Variants in STOX2 observed in about 807,000 individuals in gnomAD.
STOX2 encodes the protein storkhead-box protein 2.
In STOX2, 28 loss-of-function variants were observed where a neutral mutation model predicts 60.9. That is an observed-to-expected ratio of 0.46 (90% CI 0.34 to 0.63). STOX2 has a LOEUF of 0.63. STOX2 is among the 30% of genes least tolerant of loss of function. The pLI is 0.01. For missense variants in STOX2, 1,024 were observed against 1,187.7 expected (o/e 0.86, Z 2.03); for synonymous variants, 472 against 463.9 (o/e 1.02, Z -0.22).
At position 184,010,829 on chromosome 4, in the gene STOX2, G is replaced by C. The variant is rs1320019562; in HGVS notation, c.1991G>C (p.Gly664Ala). ...GAGTCACCAAAAGGGCCGGGTGGGG[G>C]CCCCGCTGCTTCGGGAGGAGTGGCT... ...KEESPKGPGG[G>A]PAASGGVAEG... Residue 664 changes from glycine (G) to alanine (A), a missense_variant, in exon 3 of 4, where the codon GGC (glycine) becomes GCC (alanine). Around this residue, in one of 3 missense-constraint regions of STOX2, gnomAD observed 922 missense variants for 1,058.3 expected, o/e 0.87. Transcript: ENST00000308497. This position sits in a 1 kb window ranked among gnomAD's most constrained non-coding sequence, Gnocchi z 4.5. 1 of 1,591,384 alleles carries C rather than the reference G, an allele frequency of 6.3e-7. No homozygotes were observed. Among genetic ancestry groups the C allele is most frequent in the Admixed American group, 1.7e-5 (1 of 57,602 alleles).
At chr4:183,805,270 GT>G (rs1323688866) in intron 1 of STOX2, among the ~76,000 whole-genome samples, 1 of 152,166 alleles carries the variant, frequency 6.6e-6, no homozygotes, top group Non-Finnish European at 1.5e-5. Flanking sequence ...CTTCTACTTA[GT>G]TTATATATTT....
chr4:183,872,491 T>A (rs955007620), intron 1 of STOX2, among the ~76,000 whole-genome samples: 2 of 151,670 alleles, frequency 1.3e-5, no homozygotes, highest in South Asian at 2.1e-4. Context: ...TTTATGTATT[T>A]AAAAAAAAAT....
At chr4:183,805,966 G>GATAAATGGAT (rs2111095180) in intron 1 of STOX2, among the ~76,000 whole-genome samples, 1 of 152,296 alleles carries the variant, frequency 6.6e-6, no homozygotes, top group African/African-American at 2.4e-5. Context: ...TTGAGAATTT[G>GATAAATGGAT]ATAAATGGAT....
Position 183,892,373 on chromosome 4 carries a change from G to T in STOX2, c.364+94318G>T, listed in dbSNP as rs560576046. Among the ~76,000 whole-genome samples the T allele has an allele frequency of 3.9e-5, 6 of 152,318 alleles. No homozygotes were observed. In the East Asian group the frequency reaches 9.7e-4, roughly 25 times the overall value. ...GGCTCACTGCAAGCTCCGCCTCCCG[G>T]GTTCACGCCATTCTCCTGCCTCAGC... is the stretch of plus-strand genomic sequence containing the variant. On this transcript the variant is annotated intron_variant, in intron 1 of 2. Coordinates refer to the STOX2 transcript ENST00000513034.
chr4:183,853,308 GC>G (rs1417849812), intron 1 of STOX2: 1 of 152,154 alleles, frequency 6.6e-6, no homozygotes, highest in Non-Finnish European at 1.5e-5. Context: ...CGGATTCAGG[GC>G]CCAGCCCCGT....
At chr4:183,967,564 G>GTAT (rs1477780563) in intron 1 of STOX2, among the ~76,000 whole-genome samples, 87 of 152,218 alleles carry the variant, frequency 5.7e-4, no homozygotes, top group Non-Finnish European at 1.1e-3. Context: ...ACCCATGGGT[G>GTAT]GTGCTCACAC....
At chr4:183,989,178 T>C (rs1483214004) in intron 1 of STOX2, among the ~76,000 whole-genome samples, 1 of 50,946 alleles carries the variant, frequency 2.0e-5, no homozygotes, top group African/African-American at 8.4e-5. Context: ...GGTTTTTTTT[T>C]TTTTTTTTTT....
intron 1 of STOX2, among the ~76,000 whole-genome samples, chr4:183,816,228 T>C (rs1167356250): frequency 6.6e-6 from 1 of 152,198 alleles, no homozygotes; most frequent in African/African-American, 2.4e-5. Flanking sequence ...AGTCTTATTT[T>C]AAAAATGGTG....
At chr4:183,994,331 G>C (rs560187277) in intron 1 of STOX2, among the ~76,000 whole-genome samples, 1 of 152,328 alleles carries the variant, frequency 6.6e-6, no homozygotes, top group Non-Finnish European at 1.5e-5. Context: ...TGGCGGTGCA[G>C]AGAACAAAAG....
intron 2 of STOX2, among the ~76,000 whole-genome samples, chr4:184,006,071 C>T (rs1197545761): frequency 6.6e-6 from 1 of 152,072 alleles, no homozygotes; most frequent in Non-Finnish European, 1.5e-5. Context: ...TAATTCTATA[C>T]ATTAATAGCT....
chr4:183,930,846 T>C (rs1579431618), intron 1 of STOX2, among the ~76,000 whole-genome samples: 1 of 152,242 alleles, frequency 6.6e-6, no homozygotes, highest in East Asian at 1.9e-4. Context: ...AAATTTTCTT[T>C]TTTTCTTGCA....
chr4:183,990,831 T>A (rs1410690906), intron 1 of STOX2, among the ~76,000 whole-genome samples: 1 of 152,004 alleles, frequency 6.6e-6, no homozygotes, highest in African/African-American at 2.4e-5. Flanking sequence ...TTGATCACGG[T>A]TTACTTGAAT....
chr4:183,963,951 A>T (rs1743488047), intron 1 of STOX2, among the ~76,000 whole-genome samples: 1 of 146,378 alleles, frequency 6.8e-6, no homozygotes, highest in South Asian at 2.2e-4. Context: ...TATTTTTTGT[A>T]TTTTTAGTAG....
At chr4:183,908,349 C>T (rs1190064345) in intron 1 of STOX2, among the ~76,000 whole-genome samples, 1 of 152,198 alleles carries the variant, frequency 6.6e-6, no homozygotes, top group Non-Finnish European at 1.5e-5. Flanking sequence ...TAAATGCAAA[C>T]CTAACCTCAA....
At chr4:183,810,984 G>T (rs755671213) in intron 1 of STOX2, among the ~76,000 whole-genome samples, 1 of 152,110 alleles carries the variant, frequency 6.6e-6, no homozygotes, top group Non-Finnish European at 1.5e-5. Flanking sequence ...CAGCACGTCG[G>T]GGGTGGTGGG....
At chr4:183,934,869 A>G (rs1742542318) in intron 1 of STOX2, among the ~76,000 whole-genome samples, 1 of 152,252 alleles carries the variant, frequency 6.6e-6, no homozygotes. Context: ...CAGAAAATGC[A>G]GGAAGCTGCC....
chr4:183,882,971 G>A (rs997955730), intron 1 of STOX2, among the ~76,000 whole-genome samples: 1 of 152,010 alleles, frequency 6.6e-6, no homozygotes, highest in African/African-American at 2.4e-5. Flanking sequence ...TGTTATTGTT[G>A]GAGATTTAAA....
chr4:183,862,815 C>T (rs960328926), intron 1 of STOX2, among the ~76,000 whole-genome samples: 3 of 152,176 alleles, frequency 2.0e-5, no homozygotes, highest in African/African-American at 7.2e-5. Flanking sequence ...TCTAACGGTG[C>T]CCTGTGGGAC....
In STOX2 at chr4:184,009,134, T is replaced by C. The variant is rs1734016578; in HGVS notation, c.320-24T>C. 5 of 1,162,296 alleles carry C rather than the reference T, an allele frequency of 4.3e-6. No individual in the cohort carries two copies. The highest frequency in any genetic ancestry group is 4.8e-6 in the Non-Finnish European group (4 of 835,614). The allele number at this position is 1,162,296 out of a possible 1,614,324, so 72.0% of individuals were successfully genotyped here. On this transcript the variant is annotated intron_variant, in intron 2 of 3. Transcript: ENST00000308497. This position sits in a 1 kb window ranked among gnomAD's most constrained non-coding sequence, Gnocchi z 4.0. ...CATGTTCTGTCTTCATTCTCACAAG[T>C]GGTTTTTTTTTTTTTTTTTTCAGGT... is the stretch of plus-strand genomic sequence containing the variant.
Sources: gnomAD v4.1 joint callset for allele counts (sites outside exome capture counted in the v4.1 genomes callset) on GRCh38, gnomAD v4.1.1 for gene constraint, gnomAD v4.1.1 regional missense constraint, Gnocchi (gnomAD v3.1) non-coding constraint, MANE v1.5 for transcripts, NCBI Gene and HGNC (gene_info 2026-07-23, HGNC 2026-07-21) for gene names.